The following TBC1D31 variants were observed in gnomAD, a reference collection of about 807,000 sequenced individuals.
TBC1D31 encodes the protein WD repeat domain 67.
In TBC1D31, 99 loss-of-function variants were observed where a neutral mutation model predicts 132.9. The ratio of observed to expected loss-of-function variants is 0.74; its 90% CI spans 0.63 to 0.88. The LOEUF is 0.88. Ranked by LOEUF, TBC1D31 falls within the 40% of genes least tolerant of loss-of-function variation. The probability of loss-of-function intolerance (pLI) is 0.00; values close to 1 mark genes in which losing one functional copy is unlikely to be tolerated. For synonymous variants in TBC1D31, 385 were observed against 419.4 expected (o/e 0.92, Z 1.00); for missense variants, 1,134 against 1,256.6 (o/e 0.90, Z 1.48).
At chr8:123,140,472 A>G (rs1278447498) in intron 17 of TBC1D31, among the ~76,000 whole-genome samples, 1 of 152,206 alleles carries the variant, frequency 6.6e-6, no homozygotes, top group African/African-American at 2.4e-5. Flanking sequence ...CATTTTTATA[A>G]GTAAATGCTC....
intron 11 of TBC1D31, among the ~76,000 whole-genome samples, chr8:123,125,274 A>C (rs1819927637): frequency 6.6e-6 from 1 of 152,214 alleles, no homozygotes; most frequent in Non-Finnish European, 1.5e-5. Context: ...CGGCTTTGAG[A>C]ACAATCTGTG....
chr8:123,130,064 A>G, intron 15 of TBC1D31, 134 bp from the exon 16 acceptor site: 1 of 857,980 alleles, frequency 1.2e-6, no homozygotes, highest in East Asian at 2.8e-5. Flanking sequence ...ACGGTGGAGC[A>G]GTTCTCGCAT....
At chr8:123,119,558 G>A (rs1399089394) in intron 10 of TBC1D31, among the ~76,000 whole-genome samples, 2 of 152,026 alleles carry the variant, frequency 1.3e-5, no homozygotes, top group African/African-American at 4.8e-5. Context: ...CCGCAAGAAA[G>A]ATTAGCCAGG....
intron 13 of TBC1D31, 86 bp from the exon 14 acceptor site, chr8:123,128,195 A>G (rs1233944068): frequency 7.4e-6 from 5 of 679,530 alleles, no homozygotes; most frequent in Non-Finnish European, 1.3e-5. Flanking sequence ...AAAGATAGAT[A>G]CACTTTTTTT....
Position 123,129,164 on chromosome 8 carries a change from CAAG to C in TBC1D31, c.2221_2223del (p.Arg741del), listed in dbSNP as rs1563738137. ...GAGCTGCTTCGTAAAGCTGAAGAAA[CAAG>C]AAGAGAAATGCTCTTACAAGAGGAG... On this transcript the variant is annotated inframe_deletion, in exon 15 of 22. Coordinates refer to ENST00000287380, the MANE Select transcript of TBC1D31 (RefSeq NM_145647.4). The C allele has an allele frequency of 1.9e-6, 3 of 1,604,270 alleles. No homozygotes were observed. Among genetic ancestry groups the C allele is most frequent in the South Asian group, 2.2e-5 (2 of 89,894 alleles).
At chr8:123,117,042 C>T (rs116192074) in intron 10 of TBC1D31, among the ~76,000 whole-genome samples, 3,890 of 152,232 alleles carry the variant, frequency 0.026, 165 homozygotes, top group African/African-American at 0.088. Flanking sequence ...TGCCTGGGCA[C>T]GGTGGCTCAC....
At chr8:123,093,560 G>T (rs1226008348) in intron 4 of TBC1D31, 31 bp from the exon 5 acceptor site, 6 of 1,518,614 alleles carry the variant, frequency 4.0e-6, no homozygotes, top group Middle Eastern at 1.8e-4. Flanking sequence ...TGAACCTTAT[G>T]TGAAAACTAA....
intron 8 of TBC1D31, among the ~76,000 whole-genome samples, chr8:123,108,341 AT>A (rs1314535309): frequency 6.6e-6 from 1 of 152,212 alleles, no homozygotes; most frequent in African/African-American, 2.4e-5. Flanking sequence ...TCTATAAAAT[AT>A]TTTTTATTAA....
rs562712916 is a variant in TBC1D31 at position 123,073,574 on chromosome 8, G to A, written c.77+728G>A. On this transcript the variant is annotated intron_variant, in intron 1 of 21. Transcript: ENST00000287380. ...CCCTGGAAGCCTTTGCTACAAAGCG[G>A]TGCCATTTGGATTTCGATTTCTGCA... The A allele has an allele frequency of 2.0e-4, 71 of 356,510 alleles. 1 individual carries two copies. Among genetic ancestry groups the A allele is most frequent in the South Asian group, 1.4e-3 (67 of 48,260 alleles). 22.1% of individuals were successfully genotyped at this position (356,510 alleles called of 1,614,324 possible).
chr8:123,087,507 C>T (rs1413063827), intron 4 of TBC1D31, among the ~76,000 whole-genome samples: 1 of 152,132 alleles, frequency 6.6e-6, no homozygotes, highest in Non-Finnish European at 1.5e-5. Context: ...GGGATTTAAG[C>T]CAAATGTCTT....
chr8:123,126,190 G>A lies in TBC1D31; in HGVS notation c.1704+1G>A. On this transcript the variant is annotated splice_donor_variant, in intron 12 of 21. Coordinates refer to ENST00000287380, the MANE Select transcript of TBC1D31 (RefSeq NM_145647.4). LOFTEE classifies it high-confidence loss of function. ...CATAGATCATGATATAACCTCCCAG[G>A]TAAGAAGCATAAGGTTTTTAGAATA... 2 of 1,604,214 alleles carry A rather than the reference G, an allele frequency of 1.2e-6. No individual in the cohort carries two copies. Among genetic ancestry groups the A allele is most frequent in the Non-Finnish European group, 1.7e-6 (2 of 1,176,950 alleles).
rs769771130 is a variant in TBC1D31, at chr8:123,140,864, T to C, written c.2603T>C (p.Ile868Thr). 1.2e-6 allele frequency: 2 copies of C among 1,613,888 alleles called. No homozygotes were observed. The highest frequency in any genetic ancestry group is 1.7e-5 in the Admixed American group (1 of 59,938). The change falls in exon 18 of 22, where the codon ATA becomes ACA. Residue 868 changes from isoleucine (I) to threonine (T), a missense_variant. Transcript: ENST00000287380. ...DLEEHMFHKL[I>T]EAGETQSQKT... ...GAAGAACACATGTTTCATAAGCTGA[T>C]AGAAGCAGGTGAAACCCAGAGCCAG...
chr8:123,139,118 G>GTT (rs35012698), intron 17 of TBC1D31, among the ~76,000 whole-genome samples: 1,842 of 139,360 alleles, frequency 0.013, 34 homozygotes, highest in African/African-American at 0.044. Flanking sequence ...CATATTTCTT[G>GTT]TTTTTTTTTT....
intron 20 of TBC1D31, among the ~76,000 whole-genome samples, chr8:123,148,996 G>A (rs1346431357): frequency 1.3e-5 from 2 of 151,796 alleles, no homozygotes; most frequent in African/African-American, 4.8e-5. Context: ...GCAGTAAGCC[G>A]AGATCACGCC....
chr8:123,122,572 T>G (rs565615449), intron 11 of TBC1D31, among the ~76,000 whole-genome samples: 1 of 152,212 alleles, frequency 6.6e-6, no homozygotes, highest in Non-Finnish European at 1.5e-5. Flanking sequence ...GATACAGAGT[T>G]TCTATTTGGG....
intron 16 of TBC1D31, 124 bp from the exon 17 acceptor site, chr8:123,133,989 CA>C: frequency 4.9e-6 from 3 of 607,962 alleles, no homozygotes; most frequent in Non-Finnish European, 8.3e-6. Context: ...ACTCTGGTTT[CA>C]AAAACCCAGT....
the TBC1D31 span, among the ~76,000 whole-genome samples, chr8:123,158,522 G>T: frequency 6.6e-6 from 1 of 152,190 alleles, no homozygotes; most frequent in Non-Finnish European, 1.5e-5. Flanking sequence ...AGGGAGTGGG[G>T]AGAGGTTCGT....
chr8:123,117,632 A>G (rs1487481104), intron 10 of TBC1D31, among the ~76,000 whole-genome samples: 1 of 151,504 alleles, frequency 6.6e-6, no homozygotes, highest in Non-Finnish European at 1.5e-5. Flanking sequence ...GCGCGCCTGT[A>G]GTCCCAGCTA....
At chr8:123,082,338 C>T (rs934522633) in intron 2 of TBC1D31, among the ~76,000 whole-genome samples, 1 of 151,960 alleles carries the variant, frequency 6.6e-6, no homozygotes, top group African/African-American at 2.4e-5. Flanking sequence ...CGAACCTCTG[C>T]TTGGCTTCTG....
Sources: allele counts gnomAD v4.1 joint callset (sites outside exome capture counted in the v4.1 genomes callset), GRCh38; gene constraint gnomAD v4.1.1; transcripts MANE v1.5; gene names NCBI Gene and HGNC (gene_info 2026-07-23, HGNC 2026-07-21).